Variants in ASXL3 observed in about 807,000 individuals in gnomAD.
The protein encoded by ASXL3 is putative Polycomb group protein ASXL3.
Under a neutral mutation model 170.6 loss-of-function variants are expected in ASXL3, and 34 were observed. The ratio of observed to expected loss-of-function variants is 0.20; its 90% CI spans 0.15 to 0.27. The LOEUF (loss-of-function observed/expected upper bound fraction) is 0.27. Ranked by LOEUF, ASXL3 falls within the 10% of genes least tolerant of loss-of-function variation. ASXL3 has a pLI of 1.00. For missense variants in ASXL3, 2,592 were observed against 2,695.3 expected, an observed-to-expected ratio of 0.96 and a Z score of 0.85; for synonymous variants, 1,002 against 989.1, an observed-to-expected ratio of 1.01 and a Z score of -0.24.
chr18:33,634,352 C>T (rs1193149243), intron 2 of ASXL3, among the ~76,000 whole-genome samples: 2 of 147,890 alleles, frequency 1.4e-5, no homozygotes, highest in Non-Finnish European at 3.0e-5. Flanking sequence ...TTAATAAAGT[C>T]TAACAAAAAG....
At chr18:33,589,364 G>A (rs1165253293) in intron 1 of ASXL3, among the ~76,000 whole-genome samples, 2 of 152,094 alleles carry the variant, frequency 1.3e-5, no homozygotes, top group Non-Finnish European at 1.5e-5. Context: ...TTTGTAATTT[G>A]TTTCACTGAC....
chr18:33,643,910 G>A (rs1599436066), intron 2 of ASXL3, among the ~76,000 whole-genome samples: 1 of 151,842 alleles, frequency 6.6e-6, no homozygotes. Flanking sequence ...AACTAAAATT[G>A]GTTTGACCAG....
chr18:33,705,144 T>C (rs2066936370), intron 8 of ASXL3, among the ~76,000 whole-genome samples: 1 of 151,702 alleles, frequency 6.6e-6, no homozygotes, highest in African/African-American at 2.4e-5. Flanking sequence ...AGTTGATTCT[T>C]AAGAGATTAA....
chr18:33,740,366 A>G lies in ASXL3; in HGVS notation c.2962A>G (p.Thr988Ala), dbSNP rs1274507350. ...AGCTAGGATAGAAGATGATCAGTCAACCCGGAACATATCATCTAGCAGCCC... is the reference window on the plus strand; with the variant it reads ...AGCTAGGATAGAAGATGATCAGTCAGCCCGGAACATATCATCTAGCAGCCC... The part of the protein sequence containing the change: ...KRARIEDDQS[T>A]RNISSSSPPE... The change falls in exon 11 of 12, where the codon ACC becomes GCC. Residue 988 changes from threonine (T) to alanine (A), a missense_variant. Transcript: ENST00000269197. 22 of 1,610,246 alleles carry G rather than the reference A, an allele frequency of 1.4e-5. No homozygotes were observed. The highest frequency in any genetic ancestry group is 1.8e-5 in the Non-Finnish European group (21 of 1,178,436).
chr18:33,600,449 T>C (rs1050987214), intron 1 of ASXL3, among the ~76,000 whole-genome samples: 2 of 152,146 alleles, frequency 1.3e-5, no homozygotes, highest in Admixed American at 1.3e-4. Flanking sequence ...TACTAAGCTC[T>C]TAAGAGAATA....
intron 7 of ASXL3, among the ~76,000 whole-genome samples, chr18:33,680,954 T>C (rs950090984): frequency 6.6e-6 from 1 of 152,066 alleles, no homozygotes. Context: ...TGTTTTGTGC[T>C]TAATTTTAAT....
rs778749755 is a variant in ASXL3 at position 33,750,629 on chromosome 18, C to T, written c.*4034C>T. On this transcript the variant is annotated 3_prime_UTR_variant, in exon 12 of 12. Transcript: ENST00000269197. ...TCTGTTTGACATTAGCCATTTAATG[C>T]CTTTTTTAAAGGCGGTATTACTCCT... The T allele has an allele frequency of 1.3e-5, 2 of 151,100 alleles. No homozygotes were observed. The highest frequency in any genetic ancestry group is 1.9e-4 in the East Asian group (1 of 5,130). The allele number at this position is 151,100 out of a possible 1,614,324, so 9.4% of individuals were successfully genotyped here.
At chr18:33,582,177 G>T (rs1325901238) in intron 1 of ASXL3, among the ~76,000 whole-genome samples, 2 of 152,162 alleles carry the variant, frequency 1.3e-5, no homozygotes, top group Non-Finnish European at 2.9e-5. Flanking sequence ...ACCACAATAA[G>T]AATAAAAATC....
chr18:33,703,986 A>C (rs181707700), intron 8 of ASXL3, among the ~76,000 whole-genome samples: 1 of 152,232 alleles, frequency 6.6e-6, no homozygotes, highest in African/African-American at 2.4e-5. Context: ...TTTTTTATGT[A>C]ACTTTTTTAT....
At chr18:33,625,521 ATTC>A (rs2065589119) in intron 2 of ASXL3, among the ~76,000 whole-genome samples, 2 of 152,166 alleles carry the variant, frequency 1.3e-5, no homozygotes, top group South Asian at 4.1e-4. Context: ...AGGTGAGTCA[ATTC>A]TTTGCATTAT....
chr18:33,711,909 G>C (rs1156255164), intron 8 of ASXL3, among the ~76,000 whole-genome samples: 1 of 151,974 alleles, frequency 6.6e-6, no homozygotes, highest in Admixed American at 6.5e-5. Flanking sequence ...GCAGTTGCTG[G>C]AAAAAATGGT....
At chr18:33,741,840 A>T (rs1157076883) in intron 11 of ASXL3, among the ~76,000 whole-genome samples, 1 of 152,184 alleles carries the variant, frequency 6.6e-6, no homozygotes, top group African/African-American at 2.4e-5. Flanking sequence ...AGTTTCCTCA[A>T]CTGTGAAATG....
chr18:33,653,859 G>T (rs1161966516), intron 4 of ASXL3, among the ~76,000 whole-genome samples: 5 of 149,374 alleles, frequency 3.3e-5, no homozygotes, highest in African/African-American at 1.0e-4. Context: ...AAGCTAATTT[G>T]CTCCTTTTTT....
intron 8 of ASXL3, among the ~76,000 whole-genome samples, chr18:33,685,351 AT>A (rs2145289963): frequency 6.6e-6 from 1 of 152,298 alleles, no homozygotes; most frequent in South Asian, 2.1e-4. Context: ...ACAATTTTAC[AT>A]TTTGTCAAAT....
At chr18:33,623,470 A>G (rs952996013) in intron 2 of ASXL3, among the ~76,000 whole-genome samples, 3 of 152,154 alleles carry the variant, frequency 2.0e-5, no homozygotes, top group African/African-American at 7.2e-5. Flanking sequence ...TTTCCAGTAA[A>G]ACAGGGGAAA....
In ASXL3 at chr18:33,743,223, A is replaced by G. The variant is rs1243848462; in HGVS notation, c.3375A>G (p.Lys1125=). The stretch of plus-strand genomic sequence containing the variant: ...GAGCCCATCTCTTCCAGACCTCTAA[A>G]GAGACCCGGTTGCCTCCTCCGCTCA... The part of the protein sequence containing the change: ...QARAHLFQTS[K]ETRLPPPLSS... Residue 1125 remains lysine, a synonymous_variant, in exon 12 of 12, where the codon AAA becomes AAG. Transcript: ENST00000269197. The G allele has an allele frequency of 3.1e-6, 5 of 1,613,884 alleles. No individual in the cohort carries two copies. Among genetic ancestry groups the G allele is most frequent in the Non-Finnish European group, 4.2e-6 (5 of 1,179,878 alleles).
At chr18:33,578,872 G>A (rs2064969301) in intron 1 of ASXL3, 187 bp downstream of exon 1, 2 of 240,650 alleles carry the variant, frequency 8.3e-6, no homozygotes, top group African/African-American at 2.3e-5. Context: ...GTGCGCGCGC[G>A]GAGGGGCGCA....
chr18:33,603,950 T>C (rs1224053703), intron 1 of ASXL3, among the ~76,000 whole-genome samples: 1 of 152,102 alleles, frequency 6.6e-6, no homozygotes, highest in Non-Finnish European at 1.5e-5. Context: ...AATTACAATC[T>C]TCCTGGCAGT....
intron 8 of ASXL3, among the ~76,000 whole-genome samples, chr18:33,688,829 A>T (rs1476201804): frequency 6.6e-6 from 1 of 152,170 alleles, no homozygotes; most frequent in Non-Finnish European, 1.5e-5. Flanking sequence ...CTGTATGTGG[A>T]CTACTGTATC....
Sources: gnomAD v4.1 joint callset for allele counts (sites outside exome capture counted in the v4.1 genomes callset) on GRCh38, gnomAD v4.1.1 for gene constraint, MANE v1.5 for transcripts, NCBI Gene and HGNC (gene_info 2026-07-23, HGNC 2026-07-21) for gene names.